The following GABRG3 variants were observed in gnomAD, a reference collection of about 807,000 sequenced individuals.
GABRG3 encodes the protein gamma-aminobutyric acid type A receptor subunit gamma3.
In GABRG3, 25 loss-of-function variants were observed where a neutral mutation model predicts 48.8. That is an observed-to-expected ratio of 0.51 (90% CI 0.37 to 0.72). GABRG3 has a LOEUF of 0.72. Ranked by LOEUF, GABRG3 falls within the 30% of genes least tolerant of loss-of-function variation. The pLI, the probability that GABRG3 is intolerant of heterozygous loss-of-function variation, is 0.00. For synonymous variants in GABRG3, 227 were observed against 217.6 expected (o/e 1.04, Z -0.38); for missense variants, 394 against 577.9 (o/e 0.68, Z 3.26).
At chr15:27,163,841 C>T (rs1887285804) in intron 3 of GABRG3, among the ~76,000 whole-genome samples, 2 of 152,170 alleles carry the variant, frequency 1.3e-5, no homozygotes, top group African/African-American at 2.4e-5. Flanking sequence ...TTAACCATTC[C>T]ATGAAGTAAA....
chr15:27,137,951 C>T (rs1898038585), intron 3 of GABRG3, among the ~76,000 whole-genome samples: 1 of 152,194 alleles, frequency 6.6e-6, no homozygotes, highest in African/African-American at 2.4e-5. Flanking sequence ...GACACCCATG[C>T]ACCCATCAAA....
At chr15:27,289,364 C>A (rs1328985464) in intron 3 of GABRG3, among the ~76,000 whole-genome samples, 1 of 151,584 alleles carries the variant, frequency 6.6e-6, no homozygotes, top group African/African-American at 2.4e-5. Context: ...TTTTATTCTT[C>A]AAACTGGATG....
rs1033993172 is a variant in GABRG3, at chr15:27,537,002, G to A, written c.*4121G>A. The A allele has an allele frequency of 2.0e-5, 3 of 151,798 alleles. No individual in the cohort carries two copies. The highest frequency in any genetic ancestry group is 2.9e-5 in the Non-Finnish European group (2 of 67,998). 9.4% of individuals were successfully genotyped at this position (151,798 alleles called of 1,614,324 possible). A position where few individuals can be genotyped will look rare whatever the true frequency, so the allele number is the denominator to read the frequency against. On this transcript the variant is annotated 3_prime_UTR_variant, in exon 10 of 10. Transcript: ENST00000615808. ...CAACCATTATTCTTATCACCGTATCGGTTCAGTGCTCTCAAGGCACAAAGC... is the reference window on the plus strand; with the variant it reads ...CAACCATTATTCTTATCACCGTATCAGTTCAGTGCTCTCAAGGCACAAAGC...
chr15:27,250,329 G>T (rs1463844003), intron 3 of GABRG3, among the ~76,000 whole-genome samples: 4 of 152,228 alleles, frequency 2.6e-5, no homozygotes, highest in African/African-American at 9.6e-5. Flanking sequence ...ATTTAATCAA[G>T]TTAAAGGTAA....
chr15:27,453,507 C>T (rs1889171498), intron 5 of GABRG3, among the ~76,000 whole-genome samples: 1 of 152,142 alleles, frequency 6.6e-6, no homozygotes, highest in Admixed American at 6.5e-5. Flanking sequence ...GAAGTTAAAG[C>T]ATATTCATTT....
chr15:27,313,284 A>G lies in GABRG3; in HGVS notation c.271-13525A>G, dbSNP rs867105145. Among the ~76,000 whole-genome samples the G allele has an allele frequency of 1.7e-3, 183 of 106,526 alleles. 7 individuals are homozygous for G. In the South Asian group the frequency reaches 0.023, roughly 13 times the overall value. The allele number at this position is 106,526 out of a possible 152,430, so 69.9% of individuals were successfully genotyped here. A position where few individuals can be genotyped will look rare whatever the true frequency, so the allele number is the denominator to read the frequency against. On this transcript the variant is annotated intron_variant, in intron 3 of 9. Coordinates refer to ENST00000615808, the MANE Select transcript of GABRG3 (RefSeq NM_033223.5). ...TGTGTATATATATATATATATATAT[A>G]TATATATATATATATATATATATAT...
intron 5 of GABRG3, among the ~76,000 whole-genome samples, chr15:27,377,090 G>T (rs982278139): frequency 6.6e-6 from 1 of 152,144 alleles, no homozygotes; most frequent in Non-Finnish European, 1.5e-5. Context: ...TAGGGCAGGG[G>T]CAAAATGCTG....
chr15:27,010,693 C>T (rs1379155558), intron 2 of GABRG3, among the ~76,000 whole-genome samples: 1 of 152,168 alleles, frequency 6.6e-6, no homozygotes, highest in Admixed American at 6.5e-5. Flanking sequence ...TAAAAACACA[C>T]CCATATCCCA....
At chr15:27,148,371 G>A (rs1318954593) in intron 3 of GABRG3, among the ~76,000 whole-genome samples, 1 of 151,852 alleles carries the variant, frequency 6.6e-6, no homozygotes, top group African/African-American at 2.4e-5. Context: ...CCTTACCATC[G>A]AGTAAAGTGT....
intron 2 of GABRG3, among the ~76,000 whole-genome samples, chr15:26,978,703 AATACCCACAATTTTT>A (rs146413971): frequency 0.083 from 12,585 of 152,174 alleles, 693 homozygotes; most frequent in South Asian, 0.28. Context: ...TCACTCTGTC[AATACCCACAATTTTT>A]ATTACCATAG....
At chr15:27,261,910 T>C (rs28558146) in intron 3 of GABRG3, among the ~76,000 whole-genome samples, 19,341 of 152,256 alleles carry the variant, frequency 0.13, 2,420 homozygotes, top group African/African-American at 0.32. Flanking sequence ...TGTAAGCCTC[T>C]GGGTTCCATT....
intron 5 of GABRG3, among the ~76,000 whole-genome samples, chr15:27,403,037 G>A (rs972747764): frequency 4.0e-4 from 61 of 151,946 alleles, no homozygotes; most frequent in African/African-American, 1.5e-3. Context: ...TTACTAGAAT[G>A]TTCAAGTAAG....
chr15:27,475,473 A>G (rs956605082), intron 5 of GABRG3, among the ~76,000 whole-genome samples: 21 of 151,848 alleles, frequency 1.4e-4, no homozygotes, highest in African/African-American at 4.6e-4. Flanking sequence ...TGATGATGGC[A>G]ATGATGATAG....
At chr15:27,422,136 G>C (rs565877924) in intron 5 of GABRG3, among the ~76,000 whole-genome samples, 1 of 150,796 alleles carries the variant, frequency 6.6e-6, no homozygotes, top group Non-Finnish European at 1.5e-5. Flanking sequence ...CCAATACTGG[G>C]TGTTCTAAGA....
chr15:27,017,410 C>T (rs1314451890), intron 2 of GABRG3, among the ~76,000 whole-genome samples: 2 of 152,182 alleles, frequency 1.3e-5, no homozygotes, highest in African/African-American at 4.8e-5. Context: ...AACTGAGGTA[C>T]TGGCACTCCC....
At chr15:27,091,978 G>A (rs946129141) in intron 3 of GABRG3, among the ~76,000 whole-genome samples, 1 of 152,156 alleles carries the variant, frequency 6.6e-6, no homozygotes, top group African/African-American at 2.4e-5. Context: ...AAGTTTTTCA[G>A]CATTTCTTAG....
At chr15:27,132,468 A>C (rs1897931855) in intron 3 of GABRG3, among the ~76,000 whole-genome samples, 2 of 72,838 alleles carry the variant, frequency 2.7e-5, no homozygotes, top group Non-Finnish European at 5.4e-5. Context: ...CCCAGTAGTT[A>C]CAGTTTTTTT....
At chr15:27,445,599 T>C (rs1888920037) in intron 5 of GABRG3, among the ~76,000 whole-genome samples, 2 of 152,246 alleles carry the variant, frequency 1.3e-5, no homozygotes, top group Non-Finnish European at 2.9e-5. Context: ...TATCAGATTA[T>C]GTGGTTTGCA....
At chr15:27,359,827 C>A (rs1195442150) in intron 5 of GABRG3, among the ~76,000 whole-genome samples, 4 of 152,218 alleles carry the variant, frequency 2.6e-5, no homozygotes, top group African/African-American at 4.8e-5. Context: ...CCAGAGAAGT[C>A]ATGCCAAGTT....
Sources: gnomAD v4.1 joint callset for allele counts (sites outside exome capture counted in the v4.1 genomes callset) on GRCh38, gnomAD v4.1.1 for gene constraint, MANE v1.5 for transcripts, NCBI Gene and HGNC (gene_info 2026-07-23, HGNC 2026-07-21) for gene names.